Variants in HTR2C observed in about 807,000 individuals in gnomAD.
HTR2C encodes 5-hydroxytryptamine receptor 2C, also known as 5-hydroxytryptamine (serotonin) receptor 2C, G protein-coupled.
In HTR2C, 5 loss-of-function variants were observed where a neutral mutation model predicts 21.0. The ratio of observed to expected loss-of-function variants is 0.24; its 90% CI spans 0.12 to 0.50. The LOEUF (loss-of-function observed/expected upper bound fraction) is 0.50. Among genes scored for constraint, HTR2C ranks in the 20% least tolerant of loss-of-function variants. The pLI is 0.98. For missense variants in HTR2C, 271 were observed against 371.2 expected (o/e 0.73, Z 2.22); for synonymous variants, 150 against 145.3 (o/e 1.03, Z -0.23).
intron 1 of HTR2C, among the ~76,000 whole-genome samples, chrX:114,603,580 T>C (rs1260527144): frequency 3.0e-5 from 3 of 99,860 alleles, no homozygotes; most frequent in African/African-American, 1.1e-4. Flanking sequence ...GGAGCACGTG[T>C]GTTTTTATGA....
At chrX:114,864,900 C>CTTTTT (rs71947180) in intron 5 of HTR2C, among the ~76,000 whole-genome samples, 12 of 84,643 alleles carry the variant, frequency 1.4e-4, no homozygotes, top group Non-Finnish European at 1.4e-4. Context: ...TTTTCTTTTT[C>CTTTTT]TTTTTTTTTT....
intron 2 of HTR2C, chrX:114,715,177 G>C (rs782305087): frequency 8.7e-5 from 25 of 286,378 alleles, no homozygotes; most frequent in Non-Finnish European, 1.6e-4. Context: ...CTTTTTGTTT[G>C]TTTCTTTCCC....
chrX:114,796,644 A>G (rs1416420621), intron 4 of HTR2C, among the ~76,000 whole-genome samples: 6 of 111,691 alleles, frequency 5.4e-5, no homozygotes, highest in Non-Finnish European at 1.1e-4. Context: ...GGGCCATCTA[A>G]TAAATTTCTC....
chrX:114,597,217 C>CA (rs1569476320), intron 1 of HTR2C, among the ~76,000 whole-genome samples: 1 of 36,742 alleles, frequency 2.7e-5, no homozygotes, highest in African/African-American at 1.3e-4. Flanking sequence ...GATTTCATCT[C>CA]CAAAAAAAAA....
chrX:114,892,566 G>A (rs2071266088), intron 5 of HTR2C, among the ~76,000 whole-genome samples: 1 of 111,374 alleles, frequency 9.0e-6, no homozygotes, highest in African/African-American at 3.3e-5. Context: ...AATTTAGCAA[G>A]CTTTCTGAGT....
intron 5 of HTR2C, among the ~76,000 whole-genome samples, chrX:114,870,238 C>T (rs2071081362): frequency 9.1e-6 from 1 of 110,444 alleles, no homozygotes; most frequent in South Asian, 3.9e-4. Context: ...CAGGCATGCA[C>T]CACCACATCT....
intron 4 of HTR2C, among the ~76,000 whole-genome samples, chrX:114,764,879 CT>C (rs2069923682): frequency 2.1e-5 from 1 of 46,688 alleles, no homozygotes; most frequent in East Asian, 1.5e-3. Flanking sequence ...TTCTTTCTTT[CT>C]TTCTTTCTTT....
chrX:114,798,951 G>A (rs1337736675), intron 4 of HTR2C, among the ~76,000 whole-genome samples: 1 of 109,993 alleles, frequency 9.1e-6, no homozygotes, highest in African/African-American at 3.3e-5. Context: ...ACAGCCCAGA[G>A]CGCACACACA....
At chrX:114,763,652 G>T (rs2069905142) in intron 4 of HTR2C, among the ~76,000 whole-genome samples, 1 of 110,570 alleles carries the variant, frequency 9.0e-6, no homozygotes, top group Admixed American at 9.7e-5. Flanking sequence ...ACATCCCTCT[G>T]AAAAGCTTAG....
At chrX:114,633,947 T>TATAGAGAG (rs201763901) in intron 2 of HTR2C, among the ~76,000 whole-genome samples, 231 of 92,180 alleles carry the variant, frequency 2.5e-3, no homozygotes, top group African/African-American at 6.1e-3. Flanking sequence ...TATATATATA[T>TATAGAGAG]AGAGAGAGAG....
At chrX:114,806,818 CTGTAT>C (rs2070455484) in intron 4 of HTR2C, among the ~76,000 whole-genome samples, 1 of 98,635 alleles carries the variant, frequency 1.0e-5, no homozygotes, top group Admixed American at 1.2e-4. Flanking sequence ...CATATATATA[CTGTAT>C]ATATATACAC....
chrX:114,641,502 T>C (rs1368141948), intron 2 of HTR2C, among the ~76,000 whole-genome samples: 1 of 111,522 alleles, frequency 9.0e-6, no homozygotes, highest in African/African-American at 3.3e-5. Flanking sequence ...CTTTTATGAT[T>C]TGATTAGTTT....
intron 2 of HTR2C, among the ~76,000 whole-genome samples, chrX:114,648,821 C>T (rs1192537046): frequency 2.7e-5 from 3 of 111,795 alleles, no homozygotes; most frequent in Admixed American, 9.5e-5. Context: ...AGTTTACTCC[C>T]GTATATCTCA....
chrX:114,652,837 G>T (rs1930633314), intron 2 of HTR2C: 1 of 211,956 alleles, frequency 4.7e-6, no homozygotes, highest in African/African-American at 3.3e-5. Flanking sequence ...AAGAATTAAA[G>T]AATTGGAAAA....
At chrX:114,713,859 C>T (rs1329273617) in intron 2 of HTR2C, among the ~76,000 whole-genome samples, 3 of 110,761 alleles carry the variant, frequency 2.7e-5, no homozygotes, top group Admixed American at 9.7e-5. Context: ...TGCATACACA[C>T]GTATACACAG....
chrX:114,795,063 G>A (rs1222611781), intron 4 of HTR2C, among the ~76,000 whole-genome samples: 5 of 109,623 alleles, frequency 4.6e-5, no homozygotes, highest in Non-Finnish European at 9.6e-5. Flanking sequence ...TTTAATGATT[G>A]CCATTCTAAC....
At chrX:114,749,477 GAA>G (rs1271102867) in intron 4 of HTR2C, among the ~76,000 whole-genome samples, 1 of 61,123 alleles carries the variant, frequency 1.6e-5, no homozygotes, top group Admixed American at 1.9e-4. Context: ...AAAAAAAAAA[GAA>G]AAAAAAAAAC....
intron 2 of HTR2C, among the ~76,000 whole-genome samples, chrX:114,620,445 A>T (rs782239646): frequency 8.9e-6 from 1 of 111,906 alleles, no homozygotes; most frequent in African/African-American, 3.2e-5. Context: ...AAGTTTTAAG[A>T]TTATTGCCAA....
intron 4 of HTR2C, among the ~76,000 whole-genome samples, chrX:114,754,962 G>A (rs924831419): frequency 1.2e-4 from 13 of 111,858 alleles, no homozygotes; most frequent in Non-Finnish European, 1.9e-4. Flanking sequence ...GGAAGTGGCC[G>A]GGCACGGTGG....
Sources: gnomAD v4.1 joint callset for allele counts (sites outside exome capture counted in the v4.1 genomes callset) on GRCh38, gnomAD v4.1.1 for gene constraint, MANE v1.5 for transcripts, NCBI Gene and HGNC (gene_info 2026-07-23, HGNC 2026-07-21) for gene names.